The following SLC36A1 variants were observed in gnomAD, a reference collection of about 807,000 sequenced individuals.
SLC36A1 encodes solute carrier family 36 member 1.
A neutral mutation model predicts 47.5 loss-of-function variants in SLC36A1; 30 were observed. That is an observed-to-expected ratio of 0.63 (90% CI 0.47 to 0.86). The LOEUF (loss-of-function observed/expected upper bound fraction) is 0.86, where lower values mean the gene tolerates loss of function less well. SLC36A1 is among the 40% of genes least tolerant of loss of function. The probability of loss-of-function intolerance (pLI) is 0.00; values close to 1 mark genes in which losing one functional copy is unlikely to be tolerated. For synonymous variants in SLC36A1, 255 were observed against 249.7 expected (o/e 1.02, Z -0.20); for missense variants, 517 against 606.0 (o/e 0.85, Z 1.54).
chr5:151,488,608 A>C lies in SLC36A1; in HGVS notation c.*354A>C. 1 of 223,730 alleles carries C rather than the reference A, an allele frequency of 4.5e-6. No homozygotes were observed. 13.9% of individuals were successfully genotyped at this position (223,730 alleles called of 1,614,324 possible). On this transcript the variant is annotated 3_prime_UTR_variant, in exon 11 of 11. Transcript: ENST00000243389. The stretch of plus-strand genomic sequence containing the variant: ...ACTGCACAGTTCACTTTATTTAACA[A>C]TTTTCATGTCCCCCACCTCATGTTT...
At chr5:151,549,206 G>T in the SLC36A1 span, 1 of 1,241,518 alleles carries the variant, frequency 8.1e-7, no homozygotes, top group Non-Finnish European at 1.1e-6. Flanking sequence ...CTTGGTACTT[G>T]ATTAATTTGC....
chr5:151,505,094 G>C, the SLC36A1 span: 3 of 191,158 alleles, frequency 1.6e-5, no homozygotes, highest in Non-Finnish European at 3.1e-5. Flanking sequence ...AGGATGCCAC[G>C]CAGCCCTCTA....
chr5:151,382,606 T>G, the SLC36A1 span, among the ~76,000 whole-genome samples: 1 of 152,194 alleles, frequency 6.6e-6, no homozygotes, highest in Non-Finnish European at 1.5e-5. Context: ...TGCCCTGGTG[T>G]GTAACCATAG....
chr5:151,433,453 T>A (rs1166414353), upstream of SLC36A1, among the ~76,000 whole-genome samples: 2 of 148,246 alleles, frequency 1.3e-5, no homozygotes, highest in Non-Finnish European at 3.0e-5. Flanking sequence ...CCAGCTGTTT[T>A]TTTTTGTGTG....
At chr5:151,459,064 G>A (rs1755132589) in intron 2 of SLC36A1, 129 bp downstream of exon 2, 17 of 1,005,048 alleles carry the variant, frequency 1.7e-5, no homozygotes, top group Non-Finnish European at 2.4e-5. Flanking sequence ...AAGAGATTGG[G>A]CGAGTGACTG....
chr5:151,435,204 G>A (rs145530060), upstream of SLC36A1, among the ~76,000 whole-genome samples: 1 of 152,262 alleles, frequency 6.6e-6, no homozygotes, highest in African/African-American at 2.4e-5. Flanking sequence ...GGGTTGCAGT[G>A]TAAAAGAAAT....
the SLC36A1 span, chr5:151,521,842 T>TC: frequency 6.2e-7 from 1 of 1,614,186 alleles, no homozygotes; most frequent in Non-Finnish European, 8.5e-7. Flanking sequence ...AATCTTGCCA[T>TC]CAGGCGCACC....
the SLC36A1 span, among the ~76,000 whole-genome samples, chr5:151,383,571 ATTTT>A: frequency 7.6e-6 from 1 of 132,440 alleles, no homozygotes; most frequent in South Asian, 2.4e-4. Context: ...TTTAACTTAA[ATTTT>A]TTTTTTTTTT....
chr5:151,468,266 A>AAAAAATATATATAT (rs55642458), intron 7 of SLC36A1, among the ~76,000 whole-genome samples: 1 of 63,830 alleles, frequency 1.6e-5, no homozygotes, highest in African/African-American at 8.8e-5. Context: ...AAAAAAAAAA[A>AAAAAATATATATAT]ATATATATAT....
the SLC36A1 span, among the ~76,000 whole-genome samples, chr5:151,530,220 A>C: frequency 6.6e-5 from 10 of 151,956 alleles, no homozygotes; most frequent in East Asian, 1.9e-3. Flanking sequence ...CAGGTTGACA[A>C]CACCTGAACT....
At chr5:151,433,362 C>T (rs1759568014), upstream of SLC36A1, among the ~76,000 whole-genome samples, 1 of 135,828 alleles carries the variant, frequency 7.4e-6, no homozygotes, top group Non-Finnish European at 1.6e-5. Flanking sequence ...TGGCTCACCG[C>T]AACCTCTGCT....
the SLC36A1 span, chr5:151,551,361 T>C: frequency 2.5e-5 from 30 of 1,182,002 alleles, no homozygotes; most frequent in Non-Finnish European, 3.6e-5. Context: ...AAATTCAGTG[T>C]TCCTTGAGGA....
the SLC36A1 span, chr5:151,504,371 G>A: frequency 6.5e-6 from 1 of 152,712 alleles, no homozygotes; most frequent in African/African-American, 2.4e-5. Flanking sequence ...AGGCCACAGA[G>A]GCTTCTGGTC....
At chr5:151,370,508 A>T in the SLC36A1 span, among the ~76,000 whole-genome samples, 4 of 152,142 alleles carry the variant, frequency 2.6e-5, no homozygotes, top group African/African-American at 9.7e-5. Context: ...CCACTTCCTC[A>T]TATCCACCTT....
the SLC36A1 span, among the ~76,000 whole-genome samples, chr5:151,540,200 G>C: frequency 3.3e-5 from 5 of 152,190 alleles, no homozygotes; most frequent in Admixed American, 3.3e-4. Context: ...CATGAGTCTT[G>C]AACAGCTTGG....
rs1581112638 is a variant in SLC36A1, at chr5:151,460,624, G to C, written c.143+1689G>C. ...GTACAAGATAAAGTAATTTGCTGGG[G>C]CTTAGAGGACTGGTTGAGTACTTCC... On this transcript the variant is annotated intron_variant, in intron 2 of 10. Coordinates refer to ENST00000243389, the MANE Select transcript of SLC36A1 (RefSeq NM_078483.4). Among the ~76,000 whole-genome samples the C allele has an allele frequency of 2.6e-5, 4 of 152,098 alleles. No individual in the cohort carries two copies. The South Asian group carries it at 8.3e-4, about 32-fold the overall frequency.
At chr5:151,485,042 G>A (rs959068841) in intron 10 of SLC36A1, among the ~76,000 whole-genome samples, 1 of 152,110 alleles carries the variant, frequency 6.6e-6, no homozygotes, top group Admixed American at 6.5e-5. Flanking sequence ...TTTGTTGAGC[G>A]TTAGATGACC....
rs747055130 is a variant in SLC36A1, at chr5:151,467,285, T to C, written c.504+2T>C. 2.0e-6 allele frequency: 3 copies of C among 1,523,974 alleles called. No homozygotes were observed. The African/African-American group carries it at 4.5e-5, about 23-fold the overall frequency. The allele number at this position is 1,523,974 out of a possible 1,614,324, so 94.4% of individuals were successfully genotyped here. ...TTTCTGGCTGACAACTTTAAACAGG[T>C]AGGCACCTGGTTAAAAAAGAAAAAA... is the stretch of plus-strand genomic sequence containing the variant. On this transcript the variant is annotated splice_donor_variant, in intron 6 of 10. Coordinates refer to ENST00000243389, the MANE Select transcript of SLC36A1 (RefSeq NM_078483.4). LOFTEE classifies it high-confidence loss of function.
At chr5:151,506,031 T>G in the SLC36A1 span, 1 of 1,569,644 alleles carries the variant, frequency 6.4e-7, no homozygotes, top group Non-Finnish European at 8.6e-7. Context: ...CACTTCGGAG[T>G]GGGGGTATTC....
Sources: gnomAD v4.1 joint callset for allele counts (sites outside exome capture counted in the v4.1 genomes callset) on GRCh38, gnomAD v4.1.1 for gene constraint, MANE v1.5 for transcripts, NCBI Gene and HGNC (gene_info 2026-07-23, HGNC 2026-07-21) for gene names.